The following PAICS variants were observed in gnomAD, a reference collection of about 807,000 sequenced individuals.
PAICS encodes bifunctional phosphoribosylaminoimidazole carboxylase/phosphoribosylaminoimidazole succinocarboxamide synthetase.
Under a neutral mutation model 53.7 loss-of-function variants are expected in PAICS, and 33 were observed. The ratio of observed to expected loss-of-function variants is 0.61; its 90% confidence interval spans 0.47 to 0.82. The LOEUF (loss-of-function observed/expected upper bound fraction) is 0.82. Among genes scored for constraint, PAICS ranks in the 40% least tolerant of loss-of-function variants. The pLI is 0.00. For missense variants in PAICS, 394 were observed against 494.1 expected, an observed-to-expected ratio of 0.80 and a Z score of 1.92; for synonymous variants, 141 against 167.2, an observed-to-expected ratio of 0.84 and a Z score of 1.21.
At chr4:56,419,949 C>T in the PAICS span, 2 of 983,712 alleles carry the variant, frequency 2.0e-6, no homozygotes, top group Non-Finnish European at 2.4e-6. Context: ...GGATGCTATT[C>T]TGGGACCCAA....
upstream of PAICS, chr4:56,435,529 C>A (rs772747599): frequency 3.4e-5 from 54 of 1,610,906 alleles, no homozygotes; most frequent in South Asian, 5.2e-4. Flanking sequence ...AAGGTGTAAG[C>A]ACCAACCAGC....
the PAICS span, among the ~76,000 whole-genome samples, chr4:56,429,757 C>A: frequency 6.6e-6 from 1 of 152,200 alleles, no homozygotes; most frequent in Non-Finnish European, 1.5e-5. Context: ...ATAAAACTTA[C>A]TAGCACCCTA....
the PAICS span, among the ~76,000 whole-genome samples, chr4:56,414,547 A>C: frequency 6.6e-6 from 1 of 152,234 alleles, no homozygotes; most frequent in Non-Finnish European, 1.5e-5. Flanking sequence ...GTAATGATTT[A>C]AGACTTTCAC....
upstream of PAICS, chr4:56,436,052 C>A (rs1717916374): frequency 6.6e-7 from 1 of 1,503,760 alleles, no homozygotes; most frequent in South Asian, 1.2e-5. Context: ...TGCGCCAGCG[C>A]GGGGCGGCCC....
intron 2 of PAICS, 174 bp downstream of exon 2, chr4:56,442,034 G>C: frequency 3.9e-6 from 2 of 512,572 alleles, no homozygotes; most frequent in South Asian, 3.8e-5. Context: ...ATTTGGTTTG[G>C]GATTATTAGT....
chr4:56,447,582 G>C (rs1718683792), intron 3 of PAICS, among the ~76,000 whole-genome samples: 1 of 152,132 alleles, frequency 6.6e-6, no homozygotes, highest in Non-Finnish European at 1.5e-5. Context: ...GGTGGTTTTG[G>C]AAAGATTTGA....
chr4:56,411,622 T>C, the PAICS span, among the ~76,000 whole-genome samples: 948 of 152,324 alleles, frequency 6.2e-3, 14 homozygotes, highest in African/African-American at 0.021. Flanking sequence ...ATGTCTACCA[T>C]AGTCTAAATC....
At chr4:56,425,457 G>A in the PAICS span, 477 of 870,868 alleles carry the variant, frequency 5.5e-4, 1 homozygote, top group Middle Eastern at 1.2e-3. Flanking sequence ...TCAGACATAG[G>A]TATGCTGCTA....
At chr4:56,424,205 G>A in the PAICS span, among the ~76,000 whole-genome samples, 2 of 152,116 alleles carry the variant, frequency 1.3e-5, no homozygotes, top group African/African-American at 4.8e-5. Context: ...TATGCTATAA[G>A]CCATAAGCTT....
intron 2 of PAICS, among the ~76,000 whole-genome samples, chr4:56,445,117 C>T (rs1718544504): frequency 2.0e-5 from 3 of 151,900 alleles, no homozygotes; most frequent in African/African-American, 7.3e-5. Flanking sequence ...TGCAACATAC[C>T]ACAATTCTTT....
upstream of PAICS, among the ~76,000 whole-genome samples, chr4:56,433,638 C>A (rs1416171494): frequency 2.0e-5 from 3 of 151,822 alleles, no homozygotes; most frequent in South Asian, 2.1e-4. Flanking sequence ...GACCACCAGG[C>A]AACCCTAAAG....
the PAICS span, chr4:56,422,399 A>C: frequency 6.6e-6 from 1 of 152,206 alleles, no homozygotes; most frequent in Non-Finnish European, 1.5e-5. Flanking sequence ...TCAGTCAGTA[A>C]TAAGTCAGAA....
At chr4:56,426,169 A>G in the PAICS span, among the ~76,000 whole-genome samples, 1 of 152,170 alleles carries the variant, frequency 6.6e-6, no homozygotes. Flanking sequence ...GTGGGAGGCC[A>G]AGGCAGGCAG....
chr4:56,417,658 T>C, the PAICS span, among the ~76,000 whole-genome samples: 2 of 152,022 alleles, frequency 1.3e-5, no homozygotes, highest in Non-Finnish European at 2.9e-5. Context: ...CAGTGGCTCA[T>C]GCCTGTAGTC....
the PAICS span, among the ~76,000 whole-genome samples, chr4:56,427,300 G>A: frequency 4.9e-4 from 75 of 152,258 alleles, no homozygotes; most frequent in Non-Finnish European, 6.8e-4. Context: ...AGGACCTGCA[G>A]TACTGTTTTT....
rs773078210 is a variant in PAICS, at chr4:56,441,826, C to A, written c.180C>A (p.Ile60=). The part of the protein sequence containing the change: ...LEGKAAISNK[I]TSCIFQLLQE... ...GAAAAGCTGCAATCTCAAATAAAATCACCAGTTGTATTTTTCAGTTATTAC... is the reference window on the plus strand; with the variant it reads ...GAAAAGCTGCAATCTCAAATAAAATAACCAGTTGTATTTTTCAGTTATTAC... Residue 60 remains isoleucine, a synonymous_variant, in exon 2 of 9, where the codon ATC becomes ATA. Coordinates refer to ENST00000512576, the MANE Select transcript of PAICS (RefSeq NM_001079524.2). 9 of 1,598,028 alleles carry A rather than the reference C, an allele frequency of 5.6e-6. No individual in the cohort carries two copies. In the African/African-American group the frequency reaches 1.1e-4, roughly 19 times the overall value.
the PAICS span, among the ~76,000 whole-genome samples, chr4:56,413,158 G>A: frequency 6.7e-6 from 1 of 150,112 alleles, no homozygotes; most frequent in South Asian, 2.1e-4. Context: ...TTGGTTTTTG[G>A]TTTTGTTTTG....
At chr4:56,435,293 G>T, upstream of PAICS, 1 of 1,605,438 alleles carries the variant, frequency 6.2e-7, no homozygotes. Flanking sequence ...CCGACTGCGG[G>T]AAGCGGCTCC....
chr4:56,410,899 T>TAAA, the PAICS span: 313 of 678,468 alleles, frequency 4.6e-4, no homozygotes, highest in East Asian at 2.0e-3. Context: ...CCACTGAAGG[T>TAAA]AAAAAAAAAA....
Sources: allele counts gnomAD v4.1 joint callset (sites outside exome capture counted in the v4.1 genomes callset), GRCh38; gene constraint gnomAD v4.1.1; transcripts MANE v1.5; gene names NCBI Gene and HGNC (gene_info 2026-07-23, HGNC 2026-07-21).